The following SHTN1 variants were observed in gnomAD, a reference collection of about 807,000 sequenced individuals.
The protein encoded by SHTN1 is shootin-1.
In SHTN1, 42 loss-of-function variants were observed where a neutral mutation model predicts 83.1. The ratio of observed to expected loss-of-function variants is 0.51; its 90% CI spans 0.39 to 0.65. The LOEUF is 0.65. Among genes scored for constraint, SHTN1 ranks in the 30% least tolerant of loss-of-function variants. The probability of loss-of-function intolerance (pLI) is 0.00; values close to 1 mark genes in which losing one functional copy is unlikely to be tolerated. For missense variants in SHTN1, 622 were observed against 737.8 expected (o/e 0.84, Z 1.82); for synonymous variants, 224 against 247.7 (o/e 0.90, Z 0.90).
intron 11 of SHTN1, among the ~76,000 whole-genome samples, chr10:116,925,250 G>C (rs995935504): frequency 2.6e-5 from 4 of 152,192 alleles, no homozygotes; most frequent in African/African-American, 9.7e-5. Context: ...CCTGAGGTGG[G>C]TGGCCCTCAG....
intron 4 of SHTN1, among the ~76,000 whole-genome samples, chr10:116,954,477 T>A (rs1182811807): frequency 7.2e-5 from 11 of 152,228 alleles, no homozygotes; most frequent in Non-Finnish European, 1.5e-5. Flanking sequence ...AAAACACCAG[T>A]ACAGATTAAA....
intron 1 of SHTN1, among the ~76,000 whole-genome samples, chr10:116,984,746 T>TA (rs1475223819): frequency 6.6e-6 from 1 of 152,220 alleles, no homozygotes; most frequent in Non-Finnish European, 1.5e-5. Flanking sequence ...CCCAAGGGCA[T>TA]TCTTTACACA....
At chr10:117,122,970 T>C (rs1169958099) in intron 1 of SHTN1, among the ~76,000 whole-genome samples, 3 of 152,188 alleles carry the variant, frequency 2.0e-5, no homozygotes, top group Admixed American at 1.3e-4. Flanking sequence ...GATAATCTGA[T>C]TGGTGAGCAC....
chr10:116,892,071 C>T (rs1177341750), intron 16 of SHTN1, among the ~76,000 whole-genome samples: 1 of 152,142 alleles, frequency 6.6e-6, no homozygotes, highest in African/African-American at 2.4e-5. Context: ...TCCTTTTTAA[C>T]ATAGGTAACA....
chr10:116,969,409 C>T (rs1285260568), intron 2 of SHTN1, among the ~76,000 whole-genome samples: 1 of 152,144 alleles, frequency 6.6e-6, no homozygotes, highest in Non-Finnish European at 1.5e-5. Flanking sequence ...CCATTGCACT[C>T]CAGCATGGGC....
chr10:117,126,032 CT>C (rs1234312564), intron 1 of SHTN1, among the ~76,000 whole-genome samples: 12 of 152,246 alleles, frequency 7.9e-5, no homozygotes, highest in Admixed American at 7.8e-4. Flanking sequence ...CCCCATGCCG[CT>C]GCTTCCCTCA....
chr10:117,099,009 TACACACACACAC>T (rs371738555), intron 1 of SHTN1, among the ~76,000 whole-genome samples: 20 of 141,128 alleles, frequency 1.4e-4, no homozygotes, highest in African/African-American at 4.2e-4. Context: ...GTGGTATGTA[TACACACACACAC>T]ACACACACAC....
chr10:116,899,506 GGTGTGTGTGTGT>G (rs370396879), intron 16 of SHTN1, among the ~76,000 whole-genome samples: 215 of 124,582 alleles, frequency 1.7e-3, no homozygotes, highest in Middle Eastern at 4.2e-3. Flanking sequence ...GGCTGGGGCT[GGTGTGTGTGTGT>G]GTGTGTGTGT....
chr10:116,981,009 T>C (rs1589865193), intron 1 of SHTN1, among the ~76,000 whole-genome samples: 1 of 152,332 alleles, frequency 6.6e-6, no homozygotes, highest in East Asian at 1.9e-4. Flanking sequence ...CATGTAAAGA[T>C]ATAGTTCTGA....
intron 2 of SHTN1, among the ~76,000 whole-genome samples, chr10:117,027,399 C>G (rs1388605860): frequency 2.0e-5 from 3 of 152,186 alleles, no homozygotes; most frequent in Non-Finnish European, 2.9e-5. Context: ...GAGGCCTCCC[C>G]AGAAGCTGAG....
chr10:116,977,662 CTG>C (rs750351561), intron 2 of SHTN1, among the ~76,000 whole-genome samples: 5,106 of 147,824 alleles, frequency 0.035, 144 homozygotes, highest in Middle Eastern at 0.071. Flanking sequence ...CTTTCTTACT[CTG>C]TGTGTGTGTG....
At chr10:117,007,193 T>A (rs1040524738), upstream of SHTN1, among the ~76,000 whole-genome samples, 2 of 152,006 alleles carry the variant, frequency 1.3e-5, no homozygotes, top group East Asian at 3.9e-4. Flanking sequence ...TGAAAAATAA[T>A]GGACATTTAG....
In SHTN1 at chr10:117,052,835, T is replaced by C. The variant is rs112839663; in HGVS notation, c.-188-4325A>G. ...GAGATCGAGACCATCCTGGCTAACA[T>C]GGTGAAACCCTGTCTCTACAAAAAT... On this transcript the variant is annotated intron_variant, in intron 1 of 17. Coordinates refer to the SHTN1 transcript ENST00000392901. Among the ~76,000 whole-genome samples the C allele has an allele frequency of 2.7e-3, 407 of 150,840 alleles. 1 individual carries two copies. The highest frequency in any genetic ancestry group is 9.5e-3 in the African/African-American group (393 of 41,206).
chr10:116,947,603 T>C (rs977346417), intron 7 of SHTN1, among the ~76,000 whole-genome samples: 12 of 152,312 alleles, frequency 7.9e-5, no homozygotes, highest in African/African-American at 2.4e-4. Flanking sequence ...AAGAACACTA[T>C]GACGATCTGA....
chr10:116,963,127 A>G (rs1850254785), intron 3 of SHTN1, among the ~76,000 whole-genome samples: 1 of 113,748 alleles, frequency 8.8e-6, no homozygotes, highest in Non-Finnish European at 1.6e-5. Flanking sequence ...GCTGGAGTGC[A>G]GTGGCGCAAT....
In SHTN1 at chr10:117,079,304, G is replaced by A. The variant is rs1277350575; in HGVS notation, c.-188-30794C>T. Among the ~76,000 whole-genome samples, 32 of 136,438 alleles carry A rather than the reference G, an allele frequency of 2.3e-4. 1 individual carries two copies. Among genetic ancestry groups the A allele is most frequent in the African/African-American group, 7.8e-4 (28 of 35,866 alleles). 89.5% of individuals were successfully genotyped at this position (136,438 alleles called of 152,430 possible). The stretch of plus-strand genomic sequence containing the variant: ...ATGCGGTGTTTGGTTTTTTGTTCTT[G>A]CGATAGTTTACTGAGAATGATGGTT... On this transcript the variant is annotated intron_variant, in intron 1 of 17. Transcript: ENST00000392901.
intron 1 of SHTN1, among the ~76,000 whole-genome samples, chr10:117,001,148 A>G (rs1851811629): frequency 6.6e-6 from 1 of 152,206 alleles, no homozygotes; most frequent in East Asian, 1.9e-4. Flanking sequence ...AAAGATGTCA[A>G]TCAGTCCAAT....
chr10:117,073,090 A>C (rs574895829), intron 1 of SHTN1, among the ~76,000 whole-genome samples: 1 of 152,326 alleles, frequency 6.6e-6, no homozygotes, highest in East Asian at 1.9e-4. Context: ...CAGCAATAGA[A>C]TTGAACAAGT....
intron 16 of SHTN1, among the ~76,000 whole-genome samples, chr10:116,897,078 A>G (rs1248213981): frequency 6.6e-6 from 1 of 152,062 alleles, no homozygotes; most frequent in African/African-American, 2.4e-5. Flanking sequence ...AAGTGCTGGG[A>G]TTGCTGGGAT....
Sources: allele counts gnomAD v4.1 joint callset (sites outside exome capture counted in the v4.1 genomes callset), GRCh38; gene constraint gnomAD v4.1.1; transcripts MANE v1.5; gene names NCBI Gene and HGNC (gene_info 2026-07-23, HGNC 2026-07-21).